The following CFAP95 variants were observed in gnomAD, a reference collection of about 807,000 sequenced individuals.
The protein encoded by CFAP95 is cilia- and flagella-associated protein 95.
chr9:69,863,734 T>C, the CFAP95 span, among the ~76,000 whole-genome samples: 1 of 152,120 alleles, frequency 6.6e-6, no homozygotes, highest in African/African-American at 2.4e-5. Flanking sequence ...CAGAACTGTA[T>C]CAAGCAGATC....
At chr9:69,891,395 C>T in the CFAP95 span, among the ~76,000 whole-genome samples, 1 of 152,100 alleles carries the variant, frequency 6.6e-6, no homozygotes, top group Admixed American at 6.5e-5. Context: ...GCCCTAAGCA[C>T]TTTTGCCTTC....
the CFAP95 span, among the ~76,000 whole-genome samples, chr9:69,899,380 C>A: frequency 6.6e-6 from 1 of 152,208 alleles, no homozygotes; most frequent in Non-Finnish European, 1.5e-5. Flanking sequence ...TGGAGCCCAC[C>A]ACCAGTGGGA....
the CFAP95 span, among the ~76,000 whole-genome samples, chr9:69,895,365 C>CTGTGTGTG: frequency 0.14 from 14,387 of 106,172 alleles, 942 homozygotes; most frequent in Middle Eastern, 0.29. Flanking sequence ...CTCTCTCTCT[C>CTGTGTGTG]TCTCTGTGTG....
the CFAP95 span, among the ~76,000 whole-genome samples, chr9:69,840,728 A>T: frequency 2.0e-5 from 3 of 152,326 alleles, no homozygotes; most frequent in African/African-American, 7.2e-5. Flanking sequence ...TATACATTTT[A>T]TAATTTTTAA....
At chr9:69,880,413 G>GT in the CFAP95 span, among the ~76,000 whole-genome samples, 1,558 of 151,802 alleles carry the variant, frequency 0.01, 27 homozygotes, top group African/African-American at 0.036. Flanking sequence ...TGTGATATTT[G>GT]TTTTTTTTGT....
At chr9:69,834,323 T>A in the CFAP95 span, among the ~76,000 whole-genome samples, 5 of 152,218 alleles carry the variant, frequency 3.3e-5, no homozygotes, top group Non-Finnish European at 7.3e-5. Flanking sequence ...TGAAGATTAT[T>A]GAGACCCAGT....
chr9:69,890,143 T>C, the CFAP95 span, among the ~76,000 whole-genome samples: 1 of 152,180 alleles, frequency 6.6e-6, no homozygotes, highest in Admixed American at 6.5e-5. Flanking sequence ...TTGGACTGTA[T>C]CTTTAAATAA....
At chr9:69,902,809 G>C in the CFAP95 span, among the ~76,000 whole-genome samples, 1 of 151,368 alleles carries the variant, frequency 6.6e-6, no homozygotes, top group Non-Finnish European at 1.5e-5. Flanking sequence ...TACCTGCCTT[G>C]TTCTCCTATT....
chr9:69,856,892 G>A, the CFAP95 span, among the ~76,000 whole-genome samples: 1 of 147,540 alleles, frequency 6.8e-6, no homozygotes, highest in South Asian at 2.2e-4. Context: ...TCTGGGCCCA[G>A]CTAAAATGCC....
the CFAP95 span, among the ~76,000 whole-genome samples, chr9:69,822,987 A>T: frequency 6.6e-6 from 1 of 152,216 alleles, no homozygotes; most frequent in Admixed American, 6.5e-5. Context: ...GGAAAATCAT[A>T]AGTTGTCAAT....
the CFAP95 span, chr9:69,844,694 G>T: frequency 8.5e-7 from 1 of 1,177,906 alleles, no homozygotes; most frequent in Non-Finnish European, 1.2e-6. Context: ...AAAGGTAAAG[G>T]GAGGAGTGTT....
chr9:69,831,628 G>T, the CFAP95 span, among the ~76,000 whole-genome samples: 3 of 152,112 alleles, frequency 2.0e-5, no homozygotes, highest in Non-Finnish European at 1.5e-5. Context: ...TTTGATTAGC[G>T]GTAAGCAGGT....
chr9:69,874,715 C>T, the CFAP95 span, among the ~76,000 whole-genome samples: 2 of 152,142 alleles, frequency 1.3e-5, no homozygotes, highest in African/African-American at 4.8e-5. Flanking sequence ...GTGAGTGCCC[C>T]TTTTCCAGTA....
the CFAP95 span, among the ~76,000 whole-genome samples, chr9:69,833,032 T>C: frequency 1.3e-5 from 2 of 152,330 alleles, no homozygotes; most frequent in African/African-American, 4.8e-5. Context: ...GTAATTCACA[T>C]GCCATACAAA....
chr9:69,872,599 G>A, the CFAP95 span, among the ~76,000 whole-genome samples: 1 of 152,218 alleles, frequency 6.6e-6, no homozygotes, highest in East Asian at 1.9e-4. Context: ...GCTGGGCTTG[G>A]ATCAGGATTA....
At chr9:69,847,261 A>G in the CFAP95 span, among the ~76,000 whole-genome samples, 1 of 152,198 alleles carries the variant, frequency 6.6e-6, no homozygotes, top group African/African-American at 2.4e-5. Context: ...ATTCAACAAG[A>G]TGGTTCCATT....
At chr9:69,834,885 A>T in the CFAP95 span, among the ~76,000 whole-genome samples, 1 of 152,182 alleles carries the variant, frequency 6.6e-6, no homozygotes, top group African/African-American at 2.4e-5. Context: ...AGAACATAAG[A>T]TTTTCTTTAT....
the CFAP95 span, among the ~76,000 whole-genome samples, chr9:69,869,241 A>C: frequency 9.8e-5 from 15 of 152,324 alleles, no homozygotes; most frequent in African/African-American, 2.9e-4. Flanking sequence ...TACAGACTCA[A>C]CCTAAGTGTC....
the CFAP95 span, among the ~76,000 whole-genome samples, chr9:69,858,501 T>C: frequency 0.61 from 92,894 of 152,044 alleles, 28,784 homozygotes; most frequent in East Asian, 0.82. Flanking sequence ...CCGTGTTCCT[T>C]AGAGCAAGAA....
Sources: allele counts gnomAD v4.1 joint callset (sites outside exome capture counted in the v4.1 genomes callset), GRCh38; gene constraint gnomAD v4.1.1; transcripts MANE v1.5; gene names NCBI Gene and HGNC (gene_info 2026-07-23, HGNC 2026-07-21).